NEDD4L: variants seen among roughly 807,000 people sequenced by gnomAD.
The protein encoded by NEDD4L is E3 ubiquitin-protein ligase NEDD4-like.
A neutral mutation model predicts 148.9 loss-of-function variants in NEDD4L; 54 were observed. The ratio of observed to expected loss-of-function variants is 0.36; its 90% CI spans 0.29 to 0.45. The LOEUF is 0.45. Ranked by LOEUF, NEDD4L falls within the 20% of genes least tolerant of loss-of-function variation. The pLI, the probability that NEDD4L is intolerant of heterozygous loss-of-function variation, is 1.00. For synonymous variants in NEDD4L, 433 were observed against 440.7 expected (o/e 0.98, Z 0.22); for missense variants, 856 against 1,233.8 (o/e 0.69, Z 4.59).
rs2047126548 is a variant in NEDD4L at position 58,373,246 on chromosome 18, A to G, written c.2329A>G (p.Ile777Val). ...DPTELDLMFC[I>V]DEENFGQTYQ... is the part of the protein sequence containing the mutation. ...TACTGAGCTGGACCTCATGTTCTGC[A>G]TAGACGAAGAAAACTTTGGACAGGT... is the stretch of plus-strand genomic sequence containing the variant. The change falls in exon 24 of 31, where the codon ATA becomes GTA. Residue 777 changes from isoleucine (I) to valine (V), a missense_variant. Transcript: ENST00000400345. The G allele has an allele frequency of 6.3e-7, 1 of 1,579,016 alleles. No individual in the cohort carries two copies. Among genetic ancestry groups the G allele is most frequent in the Non-Finnish European group, 8.6e-7 (1 of 1,159,444 alleles).
At chr18:58,229,390 G>A (rs903020297) in intron 2 of NEDD4L, among the ~76,000 whole-genome samples, 2 of 152,012 alleles carry the variant, frequency 1.3e-5, no homozygotes, top group Non-Finnish European at 2.9e-5. Context: ...CAGATGGCAC[G>A]GTAACAAAGT....
At chr18:58,221,669 G>A (rs1413403185) in intron 2 of NEDD4L, 20 of 985,350 alleles carry the variant, frequency 2.0e-5, no homozygotes, top group South Asian at 9.4e-5. Flanking sequence ...CCAGGGAGCC[G>A]GAGGGTCACC....
At chr18:58,374,642 C>T (rs2047316762) in intron 24 of NEDD4L, among the ~76,000 whole-genome samples, 1 of 151,942 alleles carries the variant, frequency 6.6e-6, no homozygotes, top group African/African-American at 2.4e-5. Context: ...TGTCTCCAGC[C>T]CTGTCTACCT....
At position 58,396,848 on chromosome 18, in the gene NEDD4L, C is replaced by G. The variant is rs1258692352; in HGVS notation, c.*579C>G. The G allele has an allele frequency of 1.3e-5, 2 of 152,396 alleles. No individual in the cohort carries two copies. Among genetic ancestry groups the G allele is most frequent in the Admixed American group, 1.3e-4 (2 of 15,256 alleles). 9.4% of individuals were successfully genotyped at this position (152,396 alleles called of 1,614,324 possible). A position where few individuals can be genotyped will look rare whatever the true frequency, so the allele number is the denominator to read the frequency against. On this transcript the variant is annotated 3_prime_UTR_variant, in exon 31 of 31. Coordinates refer to ENST00000400345, the MANE Select transcript of NEDD4L (RefSeq NM_001144967.3). ...AAATTTTTGTCCAAAAACCTACAGACAAGTACTTTGAGAGAATTTCCAATA... is the reference window on the plus strand; with the variant it reads ...AAATTTTTGTCCAAAAACCTACAGAGAAGTACTTTGAGAGAATTTCCAATA...
intron 19 of NEDD4L, among the ~76,000 whole-genome samples, chr18:58,361,259 G>C (rs1194530457): frequency 6.6e-6 from 1 of 152,110 alleles, no homozygotes; most frequent in Non-Finnish European, 1.5e-5. Context: ...GTTCTAAGTA[G>C]GCCTAGCGTT....
intron 2 of NEDD4L, among the ~76,000 whole-genome samples, chr18:58,180,919 T>TG (rs1007772867): frequency 8.5e-5 from 13 of 152,230 alleles, no homozygotes; most frequent in South Asian, 2.1e-4. Context: ...CGAGGTGTAT[T>TG]GGGGGGGTTA....
chr18:58,098,809 T>C (rs2084582728), intron 1 of NEDD4L, among the ~76,000 whole-genome samples: 1 of 152,206 alleles, frequency 6.6e-6, no homozygotes, highest in Non-Finnish European at 1.5e-5. Context: ...CATCACTCTG[T>C]ACTTACTAGT....
chr18:58,065,300 A>G (rs1401155550), intron 1 of NEDD4L, among the ~76,000 whole-genome samples: 1 of 152,152 alleles, frequency 6.6e-6, no homozygotes, highest in African/African-American at 2.4e-5. Flanking sequence ...CCAAGTGGCA[A>G]TTGCTTTTGT....
intron 5 of NEDD4L, among the ~76,000 whole-genome samples, chr18:58,308,264 C>T (rs1394478103): frequency 6.6e-6 from 1 of 152,206 alleles, no homozygotes; most frequent in African/African-American, 2.4e-5. Flanking sequence ...TCAGCAGATA[C>T]ATTTAGCATT....
At chr18:58,319,058 C>T (rs1451700727) in intron 6 of NEDD4L, among the ~76,000 whole-genome samples, 1 of 152,136 alleles carries the variant, frequency 6.6e-6, no homozygotes, top group Non-Finnish European at 1.5e-5. Context: ...ATCCTTTTAC[C>T]CCTTTTGTGT....
intron 1 of NEDD4L, among the ~76,000 whole-genome samples, chr18:58,059,716 C>G (rs1341223129): frequency 2.6e-5 from 4 of 152,182 alleles, no homozygotes; most frequent in African/African-American, 9.7e-5. Context: ...GACATGGTGA[C>G]TCTGGTTAGT....
chr18:58,132,332 G>C (rs1396019605), intron 1 of NEDD4L, among the ~76,000 whole-genome samples: 1 of 152,188 alleles, frequency 6.6e-6, no homozygotes, highest in Non-Finnish European at 1.5e-5. Flanking sequence ...TAAATGTGGG[G>C]CTGCCACACA....
chr18:58,223,768 C>T (rs73454604), intron 2 of NEDD4L, among the ~76,000 whole-genome samples: 126 of 152,320 alleles, frequency 8.3e-4, no homozygotes, highest in African/African-American at 3.0e-3. Flanking sequence ...CCTTGAATCA[C>T]GGAGGTTTCA....
chr18:58,296,349 A>G (rs540019780), intron 5 of NEDD4L, among the ~76,000 whole-genome samples: 8 of 152,280 alleles, frequency 5.3e-5, no homozygotes, highest in African/African-American at 1.9e-4. Flanking sequence ...GTCTTTGCCT[A>G]TGACTGAGTT....
chr18:58,167,352 G>T (rs945272499), intron 2 of NEDD4L, among the ~76,000 whole-genome samples: 3 of 152,210 alleles, frequency 2.0e-5, no homozygotes, highest in African/African-American at 7.2e-5. Context: ...CCCTTTCAGA[G>T]CAACACTTTC....
chr18:58,246,485 A>G (rs1276194811), intron 3 of NEDD4L, among the ~76,000 whole-genome samples: 2 of 152,238 alleles, frequency 1.3e-5, no homozygotes, highest in Middle Eastern at 3.4e-3. Flanking sequence ...TTAGTTTGAG[A>G]TGGAGTGTCA....
At chr18:58,318,183 G>C (rs1395924266) in intron 6 of NEDD4L, among the ~76,000 whole-genome samples, 1 of 152,188 alleles carries the variant, frequency 6.6e-6, no homozygotes, top group Admixed American at 6.5e-5. Flanking sequence ...CTGTGTTCTT[G>C]ATTAGTATAT....
chr18:58,082,152 G>C (rs370647515), intron 1 of NEDD4L, among the ~76,000 whole-genome samples: 2 of 122,520 alleles, frequency 1.6e-5, no homozygotes, highest in Non-Finnish European at 3.2e-5. Context: ...TTGTCGCCCA[G>C]ACTGGAGTGC....
intron 21 of NEDD4L, among the ~76,000 whole-genome samples, chr18:58,367,500 G>A (rs2046279185): frequency 6.6e-6 from 1 of 152,132 alleles, no homozygotes; most frequent in South Asian, 2.1e-4. Flanking sequence ...CACTTCGTAG[G>A]TCAAAAACAG....
Sources: allele counts gnomAD v4.1 joint callset (sites outside exome capture counted in the v4.1 genomes callset), GRCh38; gene constraint gnomAD v4.1.1; transcripts MANE v1.5; gene names NCBI Gene and HGNC (gene_info 2026-07-23, HGNC 2026-07-21).